Variants in WDR27 observed in about 807,000 individuals in gnomAD.
WDR27 encodes the protein WD repeat domain 27, also known as WD repeat-containing protein 27.
Under a neutral mutation model 114.4 loss-of-function variants are expected in WDR27, and 100 were observed. That is an observed-to-expected ratio of 0.87 (90% CI 0.74 to 1.03). WDR27 has a LOEUF of 1.03. Among genes scored for constraint, WDR27 ranks in the 50% least tolerant of loss-of-function variants. The pLI is 0.00. For missense variants in WDR27, 1,129 were observed against 1,092.9 expected (o/e 1.03, Z -0.47); for synonymous variants, 449 against 423.1 (o/e 1.06, Z -0.75).
At chr6:169,666,283 T>C (rs1377176597) in intron 6 of WDR27, 2 of 663,290 alleles carry the variant, frequency 3.0e-6, no homozygotes, top group Non-Finnish European at 3.7e-6. Flanking sequence ...TTTAAGTCAT[T>C]ACAGCACCAT....
intron 23 of WDR27, among the ~76,000 whole-genome samples, chr6:169,594,587 AT>A (rs1348200282): frequency 6.6e-6 from 1 of 151,952 alleles, no homozygotes; most frequent in Admixed American, 6.6e-5. Flanking sequence ...AAATTTGTTT[AT>A]TTTCTTCAAA....
intron 25 of WDR27, among the ~76,000 whole-genome samples, chr6:169,551,654 T>C (rs914968366): frequency 6.7e-6 from 1 of 148,656 alleles, no homozygotes; most frequent in African/African-American, 2.5e-5. Flanking sequence ...GGAGAATCAC[T>C]TGAACCCAGG....
chr6:169,652,514 T>G (rs959898322), intron 13 of WDR27, among the ~76,000 whole-genome samples: 2 of 151,666 alleles, frequency 1.3e-5, no homozygotes, highest in Non-Finnish European at 2.9e-5. Context: ...CCCAAAATGC[T>G]GGGATTACAG....
Position 169,647,887 on chromosome 6 carries a change from G to C in WDR27, c.1560-17C>G, listed in dbSNP as rs773351516. ...TATGCCTCCCTGAGGGAAGGCCACA[G>C]GTAACGGTGATCGGGAGACATTCAC... is the stretch of plus-strand genomic sequence containing the variant. On this transcript the variant is annotated splice_polypyrimidine_tract_variant and intron_variant, in intron 15 of 25. Transcript: ENST00000448612. 2 of 1,519,366 alleles carry C rather than the reference G, an allele frequency of 1.3e-6. No homozygotes were observed. The highest frequency in any genetic ancestry group is 2.5e-5 in the South Asian group (2 of 79,640). The allele number at this position is 1,519,366 out of a possible 1,614,324, so 94.1% of individuals were successfully genotyped here. A position where few individuals can be genotyped will look rare whatever the true frequency, so the allele number is the denominator to read the frequency against.
At chr6:169,493,015 T>A (rs1045673624) in intron 25 of WDR27, among the ~76,000 whole-genome samples, 19 of 152,034 alleles carry the variant, frequency 1.2e-4, no homozygotes, top group Admixed American at 1.2e-3. Flanking sequence ...ATAGCAGAAT[T>A]CATATGTAGA....
At position 169,599,973 on chromosome 6, in the gene WDR27, G is replaced by T. The variant is rs377450865; in HGVS notation, c.2424+2246C>A. Among the ~76,000 whole-genome samples, 162 of 152,050 alleles carry T rather than the reference G, an allele frequency of 1.1e-3. 1 individual carries two copies. Among genetic ancestry groups the T allele is most frequent in the African/African-American group, 3.7e-3 (153 of 41,466 alleles). Reference sequence around the variant, plus strand: ...TCTGGTATGTTGTGTCTTTGTTCTCGTTGGTTTCAAAGAACATCTTTATTT... The same window carrying T: ...TCTGGTATGTTGTGTCTTTGTTCTCTTTGGTTTCAAAGAACATCTTTATTT... On this transcript the variant is annotated intron_variant, in intron 23 of 25. Coordinates refer to ENST00000448612, the MANE Select transcript of WDR27 (RefSeq NM_182552.5).
At chr6:169,511,480 T>C (rs544289036) in intron 25 of WDR27, among the ~76,000 whole-genome samples, 23 of 152,116 alleles carry the variant, frequency 1.5e-4, no homozygotes, top group African/African-American at 5.5e-4. Context: ...CCAAATAAAG[T>C]GTTGCCTTCC....
intron 1 of WDR27, 32 bp from the exon 2 acceptor site, chr6:169,689,044 T>A (rs779935095): frequency 6.6e-7 from 1 of 1,508,202 alleles, no homozygotes; most frequent in Admixed American, 2.1e-5. Flanking sequence ...AAGATGACTA[T>A]AGGTATCATA....
At chr6:169,531,249 T>C (rs563406155) in intron 25 of WDR27, among the ~76,000 whole-genome samples, 2 of 152,346 alleles carry the variant, frequency 1.3e-5, no homozygotes, top group Admixed American at 1.3e-4. Context: ...GCAAGGAAGT[T>C]TTCTAGAATT....
At chr6:169,561,191 A>C (rs1200752551) in intron 25 of WDR27, among the ~76,000 whole-genome samples, 1 of 152,114 alleles carries the variant, frequency 6.6e-6, no homozygotes, top group African/African-American at 2.4e-5. Context: ...CTCCTCATAG[A>C]CAGTGCCTTC....
chr6:169,667,227 G>C, intron 5 of WDR27, 40 bp from the exon 6 acceptor site: 1 of 1,452,230 alleles, frequency 6.9e-7, no homozygotes, highest in Non-Finnish European at 9.1e-7. Context: ...AGGTAACAAC[G>C]TTGCCATTAT....
Position 169,647,834 on chromosome 6 carries a change from C to A in WDR27, c.1596G>T (p.Lys532Asn). ...AYPVECAVPT[K>N]PGPQVAAAPT... ...GGGCGGCAGCGACCTGGGGGCCGGG[C>A]TTGGTGGGCACAGCGCACTCCACGG... is the stretch of plus-strand genomic sequence containing the variant. Residue 532 changes from lysine to asparagine, a missense_variant, in exon 16 of 26, where the codon AAG (lysine) becomes AAT (asparagine). Lys to Asn is a moderately conservative substitution (Grantham distance 94, BLOSUM62 0). Coordinates refer to ENST00000448612, the MANE Select transcript of WDR27 (RefSeq NM_182552.5). 6.3e-7 allele frequency: 1 copy of A among 1,582,184 alleles called. No homozygotes were observed. The highest frequency in any genetic ancestry group is 8.6e-7 in the Non-Finnish European group (1 of 1,164,962).
intron 25 of WDR27, among the ~76,000 whole-genome samples, chr6:169,544,426 CTTT>C (rs201281369): frequency 2.1e-5 from 3 of 140,864 alleles, no homozygotes; most frequent in Non-Finnish European, 3.1e-5. Context: ...ATTTCTTTTC[CTTT>C]TTTTTTTTTT....
chr6:169,531,367 C>A (rs1324005468), intron 25 of WDR27, among the ~76,000 whole-genome samples: 2 of 152,198 alleles, frequency 1.3e-5, no homozygotes, highest in Non-Finnish European at 2.9e-5. Flanking sequence ...ACAATTATAT[C>A]TTAATCCCGT....
chr6:169,610,453 A>G (rs770984778), intron 22 of WDR27, among the ~76,000 whole-genome samples: 6 of 152,212 alleles, frequency 3.9e-5, no homozygotes, highest in Non-Finnish European at 5.9e-5. Context: ...GGTAAAGACA[A>G]AATGAGGAAG....
intron 24 of WDR27, among the ~76,000 whole-genome samples, chr6:169,578,649 C>G (rs62422489): frequency 1.3e-5 from 2 of 152,154 alleles, no homozygotes; most frequent in Admixed American, 1.3e-4. Flanking sequence ...GATCACTCAT[C>G]TGAGACACAG....
the WDR27 span, among the ~76,000 whole-genome samples, chr6:169,440,884 T>TA: frequency 6.6e-6 from 1 of 152,206 alleles, no homozygotes; most frequent in Non-Finnish European, 1.5e-5. Context: ...CCACTTCCTC[T>TA]ATGGCTTTTT....
chr6:169,506,575 A>C (rs1054658929), intron 25 of WDR27, among the ~76,000 whole-genome samples: 1 of 152,246 alleles, frequency 6.6e-6, no homozygotes, highest in African/African-American at 2.4e-5. Context: ...CCAAGAATGA[A>C]AGAAAGCCAT....
chr6:169,512,929 A>G (rs1793097580), intron 25 of WDR27, among the ~76,000 whole-genome samples: 1 of 152,220 alleles, frequency 6.6e-6, no homozygotes, highest in Non-Finnish European at 1.5e-5. Flanking sequence ...GTATGAGATC[A>G]CCACCAACTC....
Sources: allele counts gnomAD v4.1 joint callset (sites outside exome capture counted in the v4.1 genomes callset), GRCh38; gene constraint gnomAD v4.1.1; transcripts MANE v1.5; gene names NCBI Gene and HGNC (gene_info 2026-07-23, HGNC 2026-07-21).